Variants in HERC3 observed in about 807,000 individuals in gnomAD.
HERC3 encodes HECT and RLD domain containing E3 ubiquitin protein ligase 3, also known as probable E3 ubiquitin-protein ligase HERC3.
In HERC3, 58 loss-of-function variants were observed where a neutral mutation model predicts 129.9. The ratio of observed to expected loss-of-function variants is 0.45; its 90% CI spans 0.36 to 0.56. The LOEUF (loss-of-function observed/expected upper bound fraction) is 0.56, where lower values mean the gene tolerates loss of function less well. HERC3 is among the 20% of genes least tolerant of loss of function. The pLI, the probability that HERC3 is intolerant of heterozygous loss-of-function variation, is 0.00. For missense variants in HERC3, 835 were observed against 1,244.2 expected, an observed-to-expected ratio of 0.67 and a Z score of 4.95; for synonymous variants, 430 against 451.0, an observed-to-expected ratio of 0.95 and a Z score of 0.59.
chr4:88,594,571 T>G (rs890930093), intron 1 of HERC3, among the ~76,000 whole-genome samples: 1 of 152,152 alleles, frequency 6.6e-6, no homozygotes, highest in Non-Finnish European at 1.5e-5. Context: ...GCCCAGCTAA[T>G]TTTTTGTAGT....
chr4:88,658,211 G>C (rs1578258091), intron 9 of HERC3: 1 of 381,010 alleles, frequency 2.6e-6, no homozygotes, highest in East Asian at 3.9e-5. Flanking sequence ...AGTTAGAGTG[G>C]AGGATACCAT....
intron 16 of HERC3, 124 bp from the exon 17 acceptor site, chr4:88,676,094 G>A (rs1732133574): frequency 1.5e-6 from 1 of 682,612 alleles, no homozygotes; most frequent in Non-Finnish European, 2.5e-6. Context: ...CATTCAAATG[G>A]TGTTAGTTCT....
At chr4:88,562,815 G>T in the HERC3 span, among the ~76,000 whole-genome samples, 1 of 152,164 alleles carries the variant, frequency 6.6e-6, no homozygotes, top group Non-Finnish European at 1.5e-5. Context: ...CACTGTAGAT[G>T]TATGGATTTA....
chr4:88,559,028 T>G, the HERC3 span, among the ~76,000 whole-genome samples: 1 of 152,044 alleles, frequency 6.6e-6, no homozygotes, highest in Non-Finnish European at 1.5e-5. Flanking sequence ...CATTTCATTG[T>G]GTATACAGAA....
At chr4:88,556,263 A>G in the HERC3 span, among the ~76,000 whole-genome samples, 62 of 152,330 alleles carry the variant, frequency 4.1e-4, no homozygotes, top group African/African-American at 1.4e-3. Context: ...GTGCAAAGCA[A>G]TCATTCTGAA....
At chr4:88,683,585 C>T (rs1379431859) in intron 21 of HERC3, among the ~76,000 whole-genome samples, 2 of 152,188 alleles carry the variant, frequency 1.3e-5, no homozygotes, top group African/African-American at 4.8e-5. Context: ...TTAAATTCCA[C>T]ACTAGGACTT....
the HERC3 span, among the ~76,000 whole-genome samples, chr4:88,565,891 C>T: frequency 1.3e-5 from 2 of 151,962 alleles, no homozygotes; most frequent in Non-Finnish European, 2.9e-5. Flanking sequence ...AGGTGATTTT[C>T]TCTGGTGGTA....
chr4:88,547,361 C>T, the HERC3 span, among the ~76,000 whole-genome samples: 2 of 152,096 alleles, frequency 1.3e-5, no homozygotes, highest in South Asian at 2.1e-4. Flanking sequence ...TTAGGAGAAA[C>T]TCATATACCA....
Position 88,605,863 on chromosome 4 carries a change from A to G in HERC3, c.40A>G (p.Ile14Val). The G allele has an allele frequency of 1.9e-6, 3 of 1,614,236 alleles. No homozygotes were observed. Among genetic ancestry groups the G allele is most frequent in the Non-Finnish European group, 2.5e-6 (3 of 1,180,030 alleles). Residue 14 changes from isoleucine to valine, a missense_variant, in exon 3 of 26, where the codon ATC becomes GTC. Physicochemically the swap from Ile to Val is conservative, Grantham distance 29 (BLOSUM62 3). Coordinates refer to ENST00000402738, the MANE Select transcript of HERC3 (RefSeq NM_014606.3). ...WGYWSLGQPG[I>V]STNLQGIVAE... is the part of the protein sequence containing the mutation. ...ATATTGGTCTCTGGGCCAACCTGGT[A>G]TCAGCACCAACCTGCAGGGAATTGT... is the stretch of plus-strand genomic sequence containing the variant.
intron 3 of HERC3, among the ~76,000 whole-genome samples, chr4:88,621,882 A>G (rs938584717): frequency 1.3e-5 from 2 of 152,320 alleles, no homozygotes; most frequent in South Asian, 2.1e-4. Context: ...CAATGTGACT[A>G]TATCTGCAGT....
rs543529615 is a variant in HERC3, at chr4:88,634,471, G to A, written c.227-15369G>A. Among the ~76,000 whole-genome samples, 18 of 152,226 alleles carry A rather than the reference G, an allele frequency of 1.2e-4. No homozygotes were observed. The East Asian group carries it at 3.5e-3, about 29-fold the overall frequency. On this transcript the variant is annotated intron_variant, in intron 3 of 25. Coordinates refer to ENST00000402738, the MANE Select transcript of HERC3 (RefSeq NM_014606.3). ...ACTCCGTCTCCAACTAGGGGCTAAGGGACAGAACTCTGATCTCCCTAGGCC... is the reference window on the plus strand; with the variant it reads ...ACTCCGTCTCCAACTAGGGGCTAAGAGACAGAACTCTGATCTCCCTAGGCC...
chr4:88,619,286 A>G (rs1451341071), intron 3 of HERC3, among the ~76,000 whole-genome samples: 1 of 152,206 alleles, frequency 6.6e-6, no homozygotes. Context: ...ACTTTGACTT[A>G]TTTTTAGTCA....
chr4:88,641,624 AC>A (rs1371018558), intron 3 of HERC3, among the ~76,000 whole-genome samples: 1 of 152,186 alleles, frequency 6.6e-6, no homozygotes, highest in East Asian at 1.9e-4. Context: ...GGATATCATT[AC>A]CCTGCAGGCC....
At position 88,704,428 on chromosome 4, in the gene HERC3, C is replaced by G. The variant is rs2149351534; in HGVS notation, c.2842-80C>G. ...CTGTATCTCAGCACTTATTTCTTAG[C>G]CTCAAATGCAAATGATATATAATGT... On this transcript the variant is annotated intron_variant, in intron 24 of 25. Transcript: ENST00000402738. The G allele has an allele frequency of 1.2e-5, 15 of 1,220,818 alleles. 1 individual carries two copies. The South Asian group carries it at 1.9e-4, about 15-fold the overall frequency. 75.6% of individuals were successfully genotyped at this position (1,220,818 alleles called of 1,614,324 possible). A position where few individuals can be genotyped will look rare whatever the true frequency, so the allele number is the denominator to read the frequency against.
the HERC3 span, among the ~76,000 whole-genome samples, chr4:88,578,832 A>G: frequency 6.6e-6 from 1 of 152,160 alleles, no homozygotes; most frequent in Non-Finnish European, 1.5e-5. Flanking sequence ...CTAAGATCAT[A>G]TAGTGGGAAA....
At position 88,670,042 on chromosome 4, in the gene HERC3, A is replaced by T; in HGVS notation, c.1797+19A>T. 6.2e-7 allele frequency: 1 copy of T among 1,611,520 alleles called. No individual in the cohort carries two copies. ...ATATAAGGTGAGCATAGGAGGTGCT[A>T]GTGGGGAGGGGGTGATTAGATGGTA... is the stretch of plus-strand genomic sequence containing the variant. On this transcript the variant is annotated intron_variant, in intron 15 of 25. Transcript: ENST00000402738.
the HERC3 span, among the ~76,000 whole-genome samples, chr4:88,561,579 T>C: frequency 3.3e-5 from 5 of 152,176 alleles, no homozygotes; most frequent in African/African-American, 1.2e-4. Flanking sequence ...GTAATCACCC[T>C]GTTGTGCTAT....
At position 88,658,432 on chromosome 4, in the gene HERC3, A is replaced by T; in HGVS notation, c.1087A>T (p.Ile363Phe). ...SARADRFKYH[I>F]VKQIFSGGDQ... Reference sequence around the variant, plus strand: ...TTTGACAGATCGCTTTAAATATCATATCGTTAAGCAGATCTTCTCTGGAGG... The same window carrying T: ...TTTGACAGATCGCTTTAAATATCATTTCGTTAAGCAGATCTTCTCTGGAGG... The change falls in exon 10 of 26, where the codon ATC (isoleucine) becomes TTC (phenylalanine). Residue 363 changes from isoleucine to phenylalanine, a missense_variant. Physicochemically the swap from Ile to Phe is conservative, Grantham distance 21. Coordinates refer to ENST00000402738, the MANE Select transcript of HERC3 (RefSeq NM_014606.3). 1 of 1,593,800 alleles carries T rather than the reference A, an allele frequency of 6.3e-7. No individual in the cohort carries two copies. The highest frequency in any genetic ancestry group is 8.6e-7 in the Non-Finnish European group (1 of 1,169,286).
At chr4:88,544,498 G>A in the HERC3 span, among the ~76,000 whole-genome samples, 1 of 152,226 alleles carries the variant, frequency 6.6e-6, no homozygotes, top group Non-Finnish European at 1.5e-5. Context: ...AACCATTGTG[G>A]AAGGCAGCAT....
Sources: allele counts gnomAD v4.1 joint callset (sites outside exome capture counted in the v4.1 genomes callset), GRCh38; gene constraint gnomAD v4.1.1; transcripts MANE v1.5; gene names NCBI Gene and HGNC (gene_info 2026-07-23, HGNC 2026-07-21).